Variants in TTC12 observed in about 807,000 individuals in gnomAD.
TTC12 encodes the protein tetratricopeptide repeat protein 12.
In TTC12, 70 loss-of-function variants were observed where a neutral mutation model predicts 90.1. The ratio of observed to expected loss-of-function variants is 0.78; its 90% CI spans 0.64 to 0.95. TTC12 has a LOEUF of 0.95. Ranked by LOEUF, TTC12 falls within the 40% of genes least tolerant of loss-of-function variation. TTC12 has a pLI of 0.00. For missense variants in TTC12, 819 were observed against 846.1 expected, an observed-to-expected ratio of 0.97 and a Z score of 0.40; for synonymous variants, 296 against 311.5, an observed-to-expected ratio of 0.95 and a Z score of 0.53.
chr11:113,368,804 T>C, downstream of TTC12: 1 of 420,968 alleles, frequency 2.4e-6, no homozygotes, highest in Admixed American at 3.9e-5. Context: ...TAAGAAGTAT[T>C]AGGTTGGTGC....
intron 2 of TTC12, among the ~76,000 whole-genome samples, chr11:113,320,232 C>T (rs73572800): frequency 0.023 from 3,518 of 152,150 alleles, 111 homozygotes; most frequent in African/African-American, 0.077. Flanking sequence ...AGATCTGCAG[C>T]GCTAAGTGGA....
At chr11:113,335,840 G>T (rs1222054512) in intron 8 of TTC12, among the ~76,000 whole-genome samples, 1 of 152,094 alleles carries the variant, frequency 6.6e-6, no homozygotes, top group Non-Finnish European at 1.5e-5. Flanking sequence ...GGACATTTGG[G>T]TTGTTTCCAC....
At chr11:113,362,191 T>C (rs1227012300) in intron 18 of TTC12, among the ~76,000 whole-genome samples, 1 of 152,162 alleles carries the variant, frequency 6.6e-6, no homozygotes, top group Non-Finnish European at 1.5e-5. Flanking sequence ...TGAAATAATA[T>C]GGGCCTCTGG....
At chr11:113,346,305 A>C (rs1160933769) in intron 13 of TTC12, among the ~76,000 whole-genome samples, 2 of 152,014 alleles carry the variant, frequency 1.3e-5, no homozygotes, top group East Asian at 3.9e-4. Context: ...TGCATCACTC[A>C]CTTATGATGA....
intron 15 of TTC12, among the ~76,000 whole-genome samples, chr11:113,351,714 A>G (rs979523755): frequency 6.6e-6 from 1 of 152,208 alleles, no homozygotes; most frequent in African/African-American, 2.4e-5. Context: ...AGTGTGTTGC[A>G]ACTGGAGCCT....
intron 1 of TTC12, among the ~76,000 whole-genome samples, chr11:113,315,417 G>C (rs905472442): frequency 2.6e-5 from 4 of 152,192 alleles, no homozygotes; most frequent in Non-Finnish European, 5.9e-5. Context: ...GTTCGTGGCA[G>C]ATTACGTGTT....
At chr11:113,370,239 A>G (rs1950346001), downstream of TTC12, among the ~76,000 whole-genome samples, 1 of 152,262 alleles carries the variant, frequency 6.6e-6, no homozygotes, top group South Asian at 2.1e-4. Flanking sequence ...CTCCTCTGTT[A>G]CTTGCAGTTT....
downstream of TTC12, among the ~76,000 whole-genome samples, chr11:113,369,743 C>T (rs1254127704): frequency 1.3e-5 from 2 of 152,098 alleles, no homozygotes; most frequent in East Asian, 3.9e-4. Context: ...AGCATCAACA[C>T]CTACCTCTCC....
chr11:113,352,777 A>G (rs1949382703), intron 16 of TTC12, among the ~76,000 whole-genome samples: 1 of 152,212 alleles, frequency 6.6e-6, no homozygotes, highest in Admixed American at 6.5e-5. Context: ...TGCAAAGGAC[A>G]TAATCTCTTT....
At position 113,325,632 on chromosome 11, in the gene TTC12, C is replaced by G. The variant is rs200849310; in HGVS notation, c.431C>G (p.Thr144Ser). ...EKLKDMKVLY[T>S]NRAQAYMKLE... ...CTGAAGGACATGAAAGTGCTGTACA[C>G]CAACCGAGCCCAGGTCAGTGAGGCA... Residue 144 changes from threonine to serine, a missense_variant, in exon 6 of 22, where the codon ACC (threonine) becomes AGC (serine). Transcript: ENST00000529221. 1 of 1,613,908 alleles carries G rather than the reference C, an allele frequency of 6.2e-7. No homozygotes were observed. Among genetic ancestry groups the G allele is most frequent in the East Asian group, 2.2e-5 (1 of 44,888 alleles).
chr11:113,362,422 C>T lies in TTC12; in HGVS notation c.1636C>T (p.Arg546Trp), dbSNP rs140822336. ...ILTRAAGVLS[R>W]TLSSSLKIVE... ...TCAGAGAGCTGCTGGTGTTCTGAGC[C>T]GGACCCTTTCTTCCTCTCTGAAAAT... Residue 546 changes from arginine (R) to tryptophan (W), a missense_variant, in exon 19 of 22, where the codon CGG becomes TGG. By Grantham distance (101) the Arg-to-Trp change is moderately radical (BLOSUM62 -3). Coordinates refer to ENST00000529221, the MANE Select transcript of TTC12 (RefSeq NM_017868.4). 166 of 1,613,716 alleles carry T rather than the reference C, an allele frequency of 1.0e-4. No homozygotes were observed. The highest frequency in any genetic ancestry group is 5.0e-4 in the Admixed American group (30 of 59,998).
chr11:113,371,614 A>G (rs1055401552), intron 21 of TTC12: 6 of 152,150 alleles, frequency 3.9e-5, no homozygotes, highest in Admixed American at 1.3e-4. Context: ...AGTATCTTCA[A>G]TGTTCTTACC....
chr11:113,325,816 A>G (rs1283860943), intron 6 of TTC12, 171 bp downstream of exon 6: 1 of 770,046 alleles, frequency 1.3e-6, no homozygotes, highest in Non-Finnish European at 2.0e-6. Context: ...AGTTTCCATG[A>G]TGCAAATATT....
At chr11:113,368,469 CAG>C (rs1333473532), downstream of TTC12, 5 of 1,550,520 alleles carry the variant, frequency 3.2e-6, no homozygotes, top group Non-Finnish European at 3.5e-6. Context: ...TCCAGGTAAT[CAG>C]AGTCTTCTGG....
At chr11:113,356,914 T>C (rs1258957571) in intron 16 of TTC12, among the ~76,000 whole-genome samples, 13 of 152,168 alleles carry the variant, frequency 8.5e-5, no homozygotes, top group African/African-American at 2.9e-4. Flanking sequence ...TTGGGGGTGA[T>C]CTTATGAAGT....
At chr11:113,315,298 A>G (rs1304923596) in intron 1 of TTC12, 1 of 152,132 alleles carries the variant, frequency 6.6e-6, no homozygotes, top group East Asian at 1.9e-4. Context: ...TTCCCATAGT[A>G]TGGGTGAGGA....
chr11:113,352,114 C>A lies in TTC12; in HGVS notation c.1353C>A (p.Cys451Ter). The A allele has an allele frequency of 6.2e-7, 1 of 1,614,256 alleles. No homozygotes were observed. Among genetic ancestry groups the A allele is most frequent in the South Asian group, 1.1e-5 (1 of 91,088 alleles). ...KVSSSSALCQ[C>*]IAIMGNLSAE... ...GCAGCTCCTCGGCTCTGTGCCAGTG[C>A]ATTGCCATCATGGGAAACCTCAGTG... Residue 451 changes from cysteine (C) to a stop codon, truncating the protein, a stop_gained, in exon 16 of 22, where the codon TGC becomes TGA. Coordinates refer to ENST00000529221, the MANE Select transcript of TTC12 (RefSeq NM_017868.4). LOFTEE classifies it high-confidence loss of function.
At chr11:113,346,225 A>G (rs539783853) in intron 13 of TTC12, among the ~76,000 whole-genome samples, 2 of 152,174 alleles carry the variant, frequency 1.3e-5, no homozygotes, top group African/African-American at 2.4e-5. Flanking sequence ...CTGAGTTTCA[A>G]TTCCCTGCAT....
downstream of TTC12, among the ~76,000 whole-genome samples, chr11:113,370,383 G>T (rs1197053946): frequency 6.6e-6 from 1 of 152,210 alleles, no homozygotes; most frequent in Non-Finnish European, 1.5e-5. Flanking sequence ...TGATGCCCTA[G>T]AAAGAGGAGT....
Sources: gnomAD v4.1 joint callset for allele counts (sites outside exome capture counted in the v4.1 genomes callset) on GRCh38, gnomAD v4.1.1 for gene constraint, MANE v1.5 for transcripts, NCBI Gene and HGNC (gene_info 2026-07-23, HGNC 2026-07-21) for gene names.